AGPAT3: variants seen among roughly 807,000 people sequenced by gnomAD.
The protein encoded by AGPAT3 is 1-acyl-sn-glycerol-3-phosphate acyltransferase gamma.
AGPAT3 carries 5 observed loss-of-function variants against 47.3 expected under a neutral mutation model. That is an observed-to-expected ratio of 0.11 (90% CI 0.06 to 0.22). The LOEUF (loss-of-function observed/expected upper bound fraction) is 0.22. Among genes scored for constraint, AGPAT3 ranks in the 10% least tolerant of loss-of-function variants. The pLI is 1.00. For missense variants in AGPAT3, 315 were observed against 493.0 expected (o/e 0.64, Z 3.42); for synonymous variants, 212 against 208.3 (o/e 1.02, Z -0.15).
At chr21:43,974,552 TGTG>T (rs2089530519) in intron 7 of AGPAT3, among the ~76,000 whole-genome samples, 1 of 145,318 alleles carries the variant, frequency 6.9e-6, no homozygotes, top group African/African-American at 2.8e-5. Context: ...ATTATATGTG[TGTG>T]GTGTGTGTGT....
chr21:43,896,230 A>T (rs971946329), intron 1 of AGPAT3, among the ~76,000 whole-genome samples: 8 of 152,242 alleles, frequency 5.3e-5, no homozygotes, highest in African/African-American at 1.9e-4. Flanking sequence ...ACTTCTGAGC[A>T]TACCAGGATT....
At chr21:43,917,278 C>T (rs939881500) in intron 2 of AGPAT3, among the ~76,000 whole-genome samples, 12 of 152,078 alleles carry the variant, frequency 7.9e-5, no homozygotes, top group South Asian at 2.1e-4. Flanking sequence ...GGCGCGGTCC[C>T]GCTGCTCCTC....
intron 1 of AGPAT3, among the ~76,000 whole-genome samples, chr21:43,878,348 C>T (rs1476268532): frequency 3.3e-5 from 5 of 152,244 alleles, no homozygotes; most frequent in East Asian, 1.9e-4. Context: ...AACGGAGTCA[C>T]GTCGTGGCTC....
rs575415158 is a variant in AGPAT3 at position 43,938,123 on chromosome 21, C to G, written c.-48-21511C>G. ...TCTCTCTCACACACACACAGACACA[C>G]ACACACACACACACACACTCACACT... On this transcript the variant is annotated intron_variant, in intron 2 of 9. Coordinates refer to ENST00000291572, the MANE Select transcript of AGPAT3 (RefSeq NM_020132.5). Among the ~76,000 whole-genome samples, 3 of 151,162 alleles carry G rather than the reference C, an allele frequency of 2.0e-5. No homozygotes were observed. The South Asian group carries it at 6.3e-4, about 32-fold the overall frequency.
At chr21:43,978,251 C>A in intron 8 of AGPAT3, 130 bp downstream of exon 8, 2 of 603,768 alleles carry the variant, frequency 3.3e-6, no homozygotes, top group Non-Finnish European at 5.8e-6. Flanking sequence ...CCTAAATACT[C>A]CTGATCCTTC....
rs2089344186 is a variant in AGPAT3 at position 43,970,393 on chromosome 21, C to T, written c.511-260C>T. On this transcript the variant is annotated intron_variant, in intron 5 of 9. Transcript: ENST00000291572. This position sits in a 1 kb window ranked among gnomAD's most constrained non-coding sequence, Gnocchi z 5.8. ...GCTCAGAGGCTGCTGCCCCAACACA[C>T]CTTCATGTTTCACTTCTTTCTGGAA... 6.6e-6 allele frequency among the ~76,000 whole-genome samples: 1 copy of T among 152,194 alleles called. No individual in the cohort carries two copies. Among genetic ancestry groups the T allele is most frequent in the African/African-American group, 2.4e-5 (1 of 41,452 alleles).
At chr21:43,960,267 T>C (rs543940262) in intron 3 of AGPAT3, among the ~76,000 whole-genome samples, 1 of 152,286 alleles carries the variant, frequency 6.6e-6, no homozygotes, top group South Asian at 2.1e-4. Context: ...AAAGAAAAGG[T>C]GTCCTGCCTC....
chr21:43,898,564 T>C (rs2086279896), intron 1 of AGPAT3, among the ~76,000 whole-genome samples: 2 of 152,226 alleles, frequency 1.3e-5, no homozygotes, highest in African/African-American at 4.8e-5. Context: ...TCTTGCTCTG[T>C]CGCCCAGGCT....
intron 1 of AGPAT3, among the ~76,000 whole-genome samples, chr21:43,875,601 A>C (rs2085716523): frequency 6.6e-6 from 1 of 152,124 alleles, no homozygotes; most frequent in Non-Finnish European, 1.5e-5. Flanking sequence ...CTACTGTGCT[A>C]TTTAAATAGG....
At chr21:43,936,950 A>G (rs997271679) in intron 2 of AGPAT3, among the ~76,000 whole-genome samples, 4 of 152,258 alleles carry the variant, frequency 2.6e-5, no homozygotes, top group African/African-American at 9.6e-5. Context: ...CATATTTAGA[A>G]GTAGGCTGTG....
intron 2 of AGPAT3, among the ~76,000 whole-genome samples, chr21:43,921,556 G>A (rs914205018): frequency 6.6e-6 from 1 of 152,166 alleles, no homozygotes; most frequent in African/African-American, 2.4e-5. Context: ...ATCCCCACCC[G>A]TTTTGGTGAG....
At chr21:43,874,141 TCAGCCA>T in intron 1 of AGPAT3, among the ~76,000 whole-genome samples, 1 of 152,372 alleles carries the variant, frequency 6.6e-6, no homozygotes, top group East Asian at 1.9e-4. Flanking sequence ...TTCTCCTGCC[TCAGCCA>T]CCTGAGTAGC....
rs568101881 is a variant in AGPAT3 at position 43,930,573 on chromosome 21, A to G, written c.-49+26554A>G. On this transcript the variant is annotated intron_variant, in intron 2 of 9. Transcript: ENST00000291572. This position sits in a 1 kb window ranked among gnomAD's most constrained non-coding sequence, Gnocchi z 5.0. ...AGCAAGCTCTGCCCCGTGAACTCAGAGGCTGCAGCTCCTGATTGTGGGTGT... is the reference window on the plus strand; with the variant it reads ...AGCAAGCTCTGCCCCGTGAACTCAGGGGCTGCAGCTCCTGATTGTGGGTGT... 8.2e-6 allele frequency among the ~76,000 whole-genome samples: 1 copy of G among 121,936 alleles called. No homozygotes were observed. The highest frequency in any genetic ancestry group is 2.8e-4 in the South Asian group (1 of 3,618). 80.0% of individuals were successfully genotyped at this position (121,936 alleles called of 152,430 possible).
intron 2 of AGPAT3, among the ~76,000 whole-genome samples, chr21:43,919,272 GT>G (rs1305358879): frequency 6.7e-3 from 1 of 150 alleles, no homozygotes; most frequent in African/African-American, 0.045. Context: ...CACCCGAGCA[GT>G]GGTACACTGG....
chr21:43,954,536 G>A lies in AGPAT3; in HGVS notation c.-48-5098G>A, dbSNP rs184281625. On this transcript the variant is annotated intron_variant, in intron 2 of 9. Transcript: ENST00000291572. The surrounding 1 kb of genome is among the most constrained non-coding windows in gnomAD (Gnocchi z 4.0). ...ATAGTAAGTGATGAAGATGTGTTTTGACTCCGTATCTAGGACCTCCAGGAC... is the reference window on the plus strand; with the variant it reads ...ATAGTAAGTGATGAAGATGTGTTTTAACTCCGTATCTAGGACCTCCAGGAC... 1.3e-5 allele frequency: 2 copies of A among 152,428 alleles called. No homozygotes were observed. Among genetic ancestry groups the A allele is most frequent in the African/African-American group, 4.8e-5 (2 of 41,598 alleles). The allele number at this position is 152,428 out of a possible 1,614,324, so 9.4% of individuals were successfully genotyped here.
At chr21:43,904,533 C>T (rs1284092159) in intron 2 of AGPAT3, among the ~76,000 whole-genome samples, 6 of 151,742 alleles carry the variant, frequency 4.0e-5, no homozygotes, top group Non-Finnish European at 7.4e-5. Context: ...CCTGGGGGGT[C>T]GGTGCCCTGC....
rs552758468 is a variant in AGPAT3, at chr21:43,981,983, G to T, written c.1043-321G>T. ...CTCTGTCACCTGTTGGGTTTGCAAG[G>T]CCGAGCTGTTAGAATGCCCCGAAGC... On this transcript the variant is annotated intron_variant, in intron 9 of 9. Transcript: ENST00000291572. This position sits in a 1 kb window ranked among gnomAD's most constrained non-coding sequence, Gnocchi z 5.3. 6.6e-6 allele frequency among the ~76,000 whole-genome samples: 1 copy of T among 152,346 alleles called. No individual in the cohort carries two copies. Among genetic ancestry groups the T allele is most frequent in the Admixed American group, 6.5e-5 (1 of 15,312 alleles).
chr21:43,921,700 G>A (rs1244008016), intron 2 of AGPAT3, among the ~76,000 whole-genome samples: 3 of 152,208 alleles, frequency 2.0e-5, no homozygotes, highest in Non-Finnish European at 4.4e-5. Flanking sequence ...TGCCTTTGAA[G>A]TCACTTCGCT....
In AGPAT3 at chr21:43,981,337, C is replaced by T. The variant is rs529763681; in HGVS notation, c.1042+150C>T. 3.1e-5 allele frequency: 27 copies of T among 867,980 alleles called. No homozygotes were observed. The highest frequency in any genetic ancestry group is 2.6e-5 in the East Asian group (1 of 38,212). 53.8% of individuals were successfully genotyped at this position (867,980 alleles called of 1,614,324 possible). On this transcript the variant is annotated intron_variant, in intron 9 of 9. Coordinates refer to ENST00000291572, the MANE Select transcript of AGPAT3 (RefSeq NM_020132.5). This position sits in a 1 kb window ranked among gnomAD's most constrained non-coding sequence, Gnocchi z 5.3. ...GGAGCCAGGATCCCCCCACGGCCTG[C>T]GGGCCTCAGAGCCTGGATTCTTGCA... is the stretch of plus-strand genomic sequence containing the variant.
Sources: allele counts gnomAD v4.1 joint callset (sites outside exome capture counted in the v4.1 genomes callset), GRCh38; gene constraint gnomAD v4.1.1; non-coding constraint Gnocchi (gnomAD v3.1); transcripts MANE v1.5; gene names NCBI Gene and HGNC (gene_info 2026-07-23, HGNC 2026-07-21).